The following PIP5K1B variants were observed in gnomAD, a reference collection of about 807,000 sequenced individuals.
The protein encoded by PIP5K1B is phosphatidylinositol 4-phosphate 5-kinase type-1 beta.
PIP5K1B carries 42 observed loss-of-function variants against 67.0 expected under a neutral mutation model. That is an observed-to-expected ratio of 0.63 (90% confidence interval 0.49 to 0.81). PIP5K1B has a LOEUF of 0.81. Ranked by LOEUF, PIP5K1B falls within the 30% of genes least tolerant of loss-of-function variation. The probability of loss-of-function intolerance (pLI) is 0.00; values close to 1 mark genes in which losing one functional copy is unlikely to be tolerated. For missense variants in PIP5K1B, 459 were observed against 646.3 expected (o/e 0.71, Z 3.14); for synonymous variants, 214 against 231.4 (o/e 0.92, Z 0.68).
chr9:68,963,516 A>C (rs1564275465), intron 14 of PIP5K1B, among the ~76,000 whole-genome samples: 1 of 151,736 alleles, frequency 6.6e-6, no homozygotes, highest in Non-Finnish European at 1.5e-5. Context: ...AAAAAAAAAA[A>C]ACAAAACCTA....
chr9:68,915,976 C>A (rs1046810261), intron 8 of PIP5K1B, among the ~76,000 whole-genome samples: 14 of 152,198 alleles, frequency 9.2e-5, no homozygotes, highest in Middle Eastern at 3.2e-3. Context: ...ATCTTCAGGC[C>A]TGATCCCCTC....
chr9:68,754,265 G>A lies in PIP5K1B; in HGVS notation c.-86+11608G>A, dbSNP rs535553625. Among the ~76,000 whole-genome samples the A allele has an allele frequency of 1.2e-3, 162 of 140,582 alleles. 1 individual carries two copies. The highest frequency in any genetic ancestry group is 4.1e-3 in the African/African-American group (154 of 37,130). The allele number at this position is 140,582 out of a possible 152,430, so 92.2% of individuals were successfully genotyped here. A position where few individuals can be genotyped will look rare whatever the true frequency, so the allele number is the denominator to read the frequency against. ...GCTCACTGCAAGCTCCACCCCCCGG[G>A]TTCACGCCATTCTCCTGCCTCAGCC... On this transcript the variant is annotated intron_variant, in intron 2 of 15. Transcript: ENST00000265382.
chr9:68,864,646 G>A (rs1429408627), intron 5 of PIP5K1B, among the ~76,000 whole-genome samples: 1 of 152,090 alleles, frequency 6.6e-6, no homozygotes, highest in African/African-American at 2.4e-5. Flanking sequence ...ATTTTATGTT[G>A]AGTATATTTT....
intron 8 of PIP5K1B, among the ~76,000 whole-genome samples, chr9:68,900,187 T>TTCTATG (rs1825291255): frequency 6.6e-6 from 1 of 152,230 alleles, no homozygotes; most frequent in Non-Finnish European, 1.5e-5. Flanking sequence ...TCTAGGTTGA[T>TTCTATG]TCTATGTCTT....
chr9:69,006,273 C>T (rs1716551718), intron 15 of PIP5K1B, among the ~76,000 whole-genome samples: 1 of 152,124 alleles, frequency 6.6e-6, no homozygotes, highest in Non-Finnish European at 1.5e-5. Flanking sequence ...TCATTCTCAA[C>T]CACTGAGTCT....
At chr9:68,779,632 C>A (rs1564127991) in intron 2 of PIP5K1B, among the ~76,000 whole-genome samples, 1 of 152,230 alleles carries the variant, frequency 6.6e-6, no homozygotes, top group African/African-American at 2.4e-5. Context: ...ACTTTCTCCT[C>A]CCCTCCTGGT....
At chr9:68,769,801 G>A (rs914132864) in intron 2 of PIP5K1B, among the ~76,000 whole-genome samples, 4 of 152,172 alleles carry the variant, frequency 2.6e-5, no homozygotes, top group African/African-American at 9.7e-5. Flanking sequence ...CTGTCAAGGT[G>A]GCATGACATT....
chr9:68,929,653 G>GT (rs955275481), intron 12 of PIP5K1B, among the ~76,000 whole-genome samples: 3 of 151,650 alleles, frequency 2.0e-5, no homozygotes, highest in African/African-American at 7.3e-5. Flanking sequence ...ACAACTTTCA[G>GT]TTTTTTTTGT....
At chr9:68,874,360 A>G (rs984986449) in intron 5 of PIP5K1B, among the ~76,000 whole-genome samples, 3 of 152,182 alleles carry the variant, frequency 2.0e-5, no homozygotes, top group African/African-American at 7.2e-5. Context: ...GCCTAAGGAA[A>G]TAAATGTTCC....
At chr9:68,959,193 CAA>C (rs1202607606) in intron 14 of PIP5K1B, among the ~76,000 whole-genome samples, 1 of 152,144 alleles carries the variant, frequency 6.6e-6, no homozygotes, top group Non-Finnish European at 1.5e-5. Context: ...TTGGAAAAGA[CAA>C]TGGTTATTCT....
At chr9:68,854,639 G>A (rs1822678114) in intron 4 of PIP5K1B, among the ~76,000 whole-genome samples, 1 of 152,162 alleles carries the variant, frequency 6.6e-6, no homozygotes, top group African/African-American at 2.4e-5. Flanking sequence ...CTAAAAAGAT[G>A]AGCAACTCCT....
At chr9:68,818,384 A>G (rs1292416403) in intron 2 of PIP5K1B, 77 bp from the exon 3 acceptor site, 1 of 152,218 alleles carries the variant, frequency 6.6e-6, no homozygotes, top group Non-Finnish European at 1.5e-5. Context: ...ATGTATCCCT[A>G]TAGCTACCTC....
At chr9:68,812,180 GAC>G (rs1833204580) in intron 2 of PIP5K1B, among the ~76,000 whole-genome samples, 1 of 152,236 alleles carries the variant, frequency 6.6e-6, no homozygotes, top group African/African-American at 2.4e-5. Context: ...GACTTTATAG[GAC>G]ACTTACAAGT....
At chr9:68,730,754 T>C (rs1416412145) in intron 1 of PIP5K1B, among the ~76,000 whole-genome samples, 2 of 152,182 alleles carry the variant, frequency 1.3e-5, no homozygotes, top group East Asian at 3.9e-4. Context: ...AATGGGACAA[T>C]AAATTCCAAA....
At chr9:68,890,991 T>C in intron 7 of PIP5K1B, among the ~76,000 whole-genome samples, 1 of 152,244 alleles carries the variant, frequency 6.6e-6, no homozygotes, top group Non-Finnish European at 1.5e-5. Flanking sequence ...CTCACACCTG[T>C]AATCCCAGCA....
chr9:68,911,847 C>A (rs1240322939), intron 8 of PIP5K1B, among the ~76,000 whole-genome samples: 1 of 151,922 alleles, frequency 6.6e-6, no homozygotes, highest in Non-Finnish European at 1.5e-5. Context: ...TGCACCACTG[C>A]CTCCAGCCTG....
chr9:68,795,127 G>T (rs1832215033), intron 2 of PIP5K1B, among the ~76,000 whole-genome samples: 1 of 152,088 alleles, frequency 6.6e-6, no homozygotes, highest in South Asian at 2.1e-4. Flanking sequence ...CCTTCTGCCT[G>T]TACTCCTTAC....
At chr9:68,757,801 G>A (rs1830000141) in intron 2 of PIP5K1B, among the ~76,000 whole-genome samples, 1 of 152,120 alleles carries the variant, frequency 6.6e-6, no homozygotes, top group Non-Finnish European at 1.5e-5. Context: ...AATAAAGTCA[G>A]AAGATTCCAG....
intron 6 of PIP5K1B, among the ~76,000 whole-genome samples, chr9:68,886,301 A>G (rs1359436993): frequency 1.3e-5 from 2 of 152,114 alleles, no homozygotes; most frequent in African/African-American, 2.4e-5. Flanking sequence ...GTGTTTCTCT[A>G]GTCAATTATG....
Sources: gnomAD v4.1 joint callset for allele counts (sites outside exome capture counted in the v4.1 genomes callset) on GRCh38, gnomAD v4.1.1 for gene constraint, MANE v1.5 for transcripts, NCBI Gene and HGNC (gene_info 2026-07-23, HGNC 2026-07-21) for gene names.